Variants in GPR139 observed in about 807,000 individuals in gnomAD.
GPR139 encodes G protein-coupled receptor 139.
GPR139 carries 12 observed loss-of-function variants against 25.8 expected under a neutral mutation model. The ratio of observed to expected loss-of-function variants is 0.47; its 90% confidence interval spans 0.30 to 0.75. The LOEUF (loss-of-function observed/expected upper bound fraction) is 0.75, where lower values mean the gene tolerates loss of function less well. Ranked by LOEUF, GPR139 falls within the 30% of genes least tolerant of loss-of-function variation. The pLI is 0.07. For missense variants in GPR139, 380 were observed against 450.2 expected (o/e 0.84, Z 1.41); for synonymous variants, 184 against 179.9 (o/e 1.02, Z -0.18).
intron 1 of GPR139, among the ~76,000 whole-genome samples, chr16:20,036,652 C>T (rs1017670509): frequency 3.7e-4 from 57 of 152,248 alleles, no homozygotes; most frequent in Middle Eastern, 3.4e-3. Flanking sequence ...GGCAAAGACA[C>T]GGCCCCATGA....
At chr16:20,041,225 G>T (rs2057332309) in intron 1 of GPR139, among the ~76,000 whole-genome samples, 1 of 5,064 alleles carries the variant, frequency 2.0e-4, no homozygotes, top group Non-Finnish European at 5.0e-4. Flanking sequence ...GGAGAGGAGA[G>T]GAGAGGAGAG....
intron 1 of GPR139, among the ~76,000 whole-genome samples, chr16:20,039,758 A>C (rs2057323750): frequency 6.6e-6 from 1 of 152,174 alleles, no homozygotes; most frequent in African/African-American, 2.4e-5. Flanking sequence ...TGACTACATT[A>C]GAAATTAGAA....
At chr16:20,041,478 A>G (rs1380242100) in intron 1 of GPR139, among the ~76,000 whole-genome samples, 1 of 151,600 alleles carries the variant, frequency 6.6e-6, no homozygotes, top group East Asian at 2.0e-4. Context: ...AGGGGTAGAG[A>G]CCGAATTGTA....
intron 1 of GPR139, among the ~76,000 whole-genome samples, chr16:20,055,074 A>AT (rs1325108635): frequency 1.1e-4 from 16 of 151,364 alleles, no homozygotes; most frequent in Non-Finnish European, 1.6e-4. Flanking sequence ...TCTATCAGTT[A>AT]TTTTTTTTCT....
At chr16:20,033,490 T>C (rs531212664) in intron 1 of GPR139, among the ~76,000 whole-genome samples, 1 of 152,268 alleles carries the variant, frequency 6.6e-6, no homozygotes, top group South Asian at 2.1e-4. Context: ...GCATGAAGAA[T>C]ATGGGGCTGA....
At chr16:20,070,551 T>C (rs948771383) in intron 1 of GPR139, among the ~76,000 whole-genome samples, 1 of 152,202 alleles carries the variant, frequency 6.6e-6, no homozygotes, top group East Asian at 1.9e-4. Context: ...GGCAATCCCC[T>C]AGCTCTTCCT....
chr16:20,070,566 A>C (rs2057456128), intron 1 of GPR139, among the ~76,000 whole-genome samples: 1 of 152,192 alleles, frequency 6.6e-6, no homozygotes, highest in Admixed American at 6.5e-5. Context: ...CTTCCTCCCA[A>C]CCTAGAGACC....
chr16:20,035,534 G>A (rs557246082), intron 1 of GPR139, among the ~76,000 whole-genome samples: 34 of 152,274 alleles, frequency 2.2e-4, no homozygotes, highest in African/African-American at 7.9e-4. Flanking sequence ...AAATAGACAT[G>A]GTCTGTTTAG....
intron 1 of GPR139, among the ~76,000 whole-genome samples, chr16:20,059,811 T>G (rs147039485): frequency 2.6e-5 from 4 of 152,284 alleles, no homozygotes; most frequent in South Asian, 4.2e-4. Context: ...AAGGGGAAAT[T>G]ACCTGCTCAC....
rs1166904507 is a variant in GPR139, at chr16:20,031,070, C to T, written c.*665G>A. Among the ~76,000 whole-genome samples the T allele has an allele frequency of 6.6e-6, 1 of 152,012 alleles. No homozygotes were observed. Among genetic ancestry groups the T allele is most frequent in the African/African-American group, 2.4e-5 (1 of 41,378 alleles). ...TCTATACATAATGATAAATAGAAAA[C>T]TGCCTTTTAGACCCCAGGTTTGAGG... is the stretch of plus-strand genomic sequence containing the variant. On this transcript the variant is annotated 3_prime_UTR_variant, in exon 2 of 2. Coordinates refer to ENST00000570682, the MANE Select transcript of GPR139 (RefSeq NM_001002911.4).
At chr16:20,055,592 T>C (rs1253624225) in intron 1 of GPR139, among the ~76,000 whole-genome samples, 1 of 152,274 alleles carries the variant, frequency 6.6e-6, no homozygotes, top group African/African-American at 2.4e-5. Context: ...AGTTACTACC[T>C]GGTTTGTGGA....
chr16:20,038,394 A>C (rs1290401526), intron 1 of GPR139, among the ~76,000 whole-genome samples: 1 of 138,950 alleles, frequency 7.2e-6, no homozygotes, highest in African/African-American at 2.6e-5. Context: ...TGACTCTCCC[A>C]CTTTTTCTTC....
chr16:20,058,621 C>T (rs1242862969), intron 1 of GPR139, among the ~76,000 whole-genome samples: 2 of 152,162 alleles, frequency 1.3e-5, no homozygotes, highest in East Asian at 3.9e-4. Context: ...GAATCTCCAC[C>T]TTGGACTTGG....
Position 20,069,010 on chromosome 16 carries a change from G to A in GPR139, c.127+4480C>T, listed in dbSNP as rs1402168964. On this transcript the variant is annotated intron_variant, in intron 1 of 1. Coordinates refer to ENST00000570682, the MANE Select transcript of GPR139 (RefSeq NM_001002911.4). ...CATGTTATTCCTCTTATATATTGCT[G>A]GATTAGATTTGCTAATATTTTGTTG... Among the ~76,000 whole-genome samples the A allele has an allele frequency of 2.6e-5, 4 of 152,040 alleles. No homozygotes were observed. The East Asian group carries it at 7.7e-4, about 29-fold the overall frequency.
intron 1 of GPR139, among the ~76,000 whole-genome samples, chr16:20,037,090 AG>A (rs2141201805): frequency 6.6e-6 from 1 of 152,326 alleles, no homozygotes; most frequent in African/African-American, 2.4e-5. Flanking sequence ...AATAACACCA[AG>A]GGATGAGACA....
chr16:20,073,343 G>T lies in GPR139; in HGVS notation c.127+147C>A, dbSNP rs1033378138. ...GGGCACAGCAACTTCCTTTCCCCCCGTGTGGAAATATCCATAGTTGCCCTT... is the reference window on the plus strand; with the variant it reads ...GGGCACAGCAACTTCCTTTCCCCCCTTGTGGAAATATCCATAGTTGCCCTT... On this transcript the variant is annotated intron_variant, in intron 1 of 1. Coordinates refer to ENST00000570682, the MANE Select transcript of GPR139 (RefSeq NM_001002911.4). The surrounding 1 kb of genome is among the most constrained non-coding windows in gnomAD (Gnocchi z 4.7). 5.8e-6 allele frequency: 7 copies of T among 1,197,604 alleles called. No individual in the cohort carries two copies. The highest frequency in any genetic ancestry group is 3.1e-5 in the African/African-American group (2 of 65,470). 74.2% of individuals were successfully genotyped at this position (1,197,604 alleles called of 1,614,324 possible). A position where few individuals can be genotyped will look rare whatever the true frequency, so the allele number is the denominator to read the frequency against.
In GPR139 at chr16:20,032,364, T is replaced by C; in HGVS notation, c.433A>G (p.Thr145Ala). The C allele has an allele frequency of 6.2e-7, 1 of 1,614,124 alleles. No homozygotes were observed. Among genetic ancestry groups the C allele is most frequent in the Non-Finnish European group, 8.5e-7 (1 of 1,180,018 alleles). Residue 145 changes from threonine to alanine, a missense_variant, in exon 2 of 2, where the codon ACC (threonine) becomes GCC (alanine). By Grantham distance (58) the Thr-to-Ala change is moderately conservative. Transcript: ENST00000570682. The part of the protein sequence containing the change: ...KYHTVSYPAR[T>A]RKVIVSVYIT... Reference sequence around the variant, plus strand: ...TAAACACTTACAATGACTTTCCGGGTGCGGGCTGGGTATGAGACCGTGTGG... The same window carrying C: ...TAAACACTTACAATGACTTTCCGGGCGCGGGCTGGGTATGAGACCGTGTGG...
intron 1 of GPR139, among the ~76,000 whole-genome samples, chr16:20,039,509 A>G (rs2057323026): frequency 6.6e-6 from 1 of 152,242 alleles, no homozygotes; most frequent in Non-Finnish European, 1.5e-5. Flanking sequence ...TAATAATAAT[A>G]GTAATAGAAT....
In GPR139 at chr16:20,073,437, T is replaced by G; in HGVS notation, c.127+53A>C. The G allele has an allele frequency of 6.3e-7, 1 of 1,588,760 alleles. No individual in the cohort carries two copies. Among genetic ancestry groups the G allele is most frequent in the Non-Finnish European group, 8.6e-7 (1 of 1,168,012 alleles). The stretch of plus-strand genomic sequence containing the variant: ...GGAGGACGGGGGATTCTGGGTAGGG[T>G]TGCCCGGCACTTGGGGTTCCTGGCT... On this transcript the variant is annotated intron_variant, in intron 1 of 1. Coordinates refer to ENST00000570682, the MANE Select transcript of GPR139 (RefSeq NM_001002911.4). This position sits in a 1 kb window ranked among gnomAD's most constrained non-coding sequence, Gnocchi z 4.7.
Sources: allele counts gnomAD v4.1 joint callset (sites outside exome capture counted in the v4.1 genomes callset), GRCh38; gene constraint gnomAD v4.1.1; non-coding constraint Gnocchi (gnomAD v3.1); transcripts MANE v1.5; gene names NCBI Gene and HGNC (gene_info 2026-07-23, HGNC 2026-07-21).